Variants in SLC71A2 observed in about 807,000 individuals in gnomAD.
SLC71A2 encodes the protein hippocampus abundant transcript-like 1.
the SLC71A2 span, among the ~76,000 whole-genome samples, chr9:94,419,597 A>T: frequency 6.6e-6 from 1 of 151,612 alleles, no homozygotes. Context: ...GAGCCACTGC[A>T]CCCGGCCTTT....
At chr9:94,459,221 C>T in the SLC71A2 span, 1 of 1,613,880 alleles carries the variant, frequency 6.2e-7, no homozygotes. Flanking sequence ...TATGTCTTTT[C>T]TGGTTGCCTT....
chr9:94,429,277 G>C, the SLC71A2 span: 2 of 1,570,014 alleles, frequency 1.3e-6, no homozygotes, highest in South Asian at 2.4e-5. Context: ...TATGTGGTTT[G>C]TAATGAACCA....
the SLC71A2 span, among the ~76,000 whole-genome samples, chr9:94,406,529 G>C: frequency 5.3e-5 from 8 of 152,130 alleles, no homozygotes; most frequent in Non-Finnish European, 1.5e-5. Context: ...GTGAGCCACT[G>C]TGCCCAGCCG....
the SLC71A2 span, among the ~76,000 whole-genome samples, chr9:94,385,584 A>G: frequency 3.9e-5 from 6 of 152,186 alleles, no homozygotes; most frequent in South Asian, 8.3e-4. Flanking sequence ...ACTCTTTCAC[A>G]TGCCAAAAAT....
At chr9:94,386,887 G>T in the SLC71A2 span, among the ~76,000 whole-genome samples, 6 of 152,014 alleles carry the variant, frequency 3.9e-5, no homozygotes, top group African/African-American at 1.4e-4. Context: ...GATTGATTTT[G>T]TGGCTCTTTC....
At chr9:94,382,323 A>G in the SLC71A2 span, among the ~76,000 whole-genome samples, 1 of 151,372 alleles carries the variant, frequency 6.6e-6, no homozygotes, top group Non-Finnish European at 1.5e-5. Context: ...CATGTGCCCA[A>G]CTTCCCTAAA....
chr9:94,399,064 C>T, the SLC71A2 span, among the ~76,000 whole-genome samples: 1 of 152,016 alleles, frequency 6.6e-6, no homozygotes, highest in East Asian at 1.9e-4. Context: ...GATCCGCCCA[C>T]CTTGGCCTCC....
the SLC71A2 span, chr9:94,451,678 A>G: frequency 4.3e-6 from 2 of 461,270 alleles, no homozygotes; most frequent in Non-Finnish European, 7.7e-6. Flanking sequence ...CTTGCAAGCT[A>G]TAGTATAATA....
the SLC71A2 span, among the ~76,000 whole-genome samples, chr9:94,418,801 C>T: frequency 1.5e-5 from 2 of 130,038 alleles, no homozygotes; most frequent in African/African-American, 2.9e-5. Context: ...ACTATGTTGT[C>T]TAGGCTGGTC....
the SLC71A2 span, among the ~76,000 whole-genome samples, chr9:94,454,709 CAAG>C: frequency 1.3e-5 from 2 of 152,032 alleles, no homozygotes; most frequent in African/African-American, 4.8e-5. Context: ...AAAAGCAAAA[CAAG>C]AAGATACAAA....
the SLC71A2 span, among the ~76,000 whole-genome samples, chr9:94,384,312 A>ATG: frequency 6.7e-6 from 1 of 148,272 alleles, no homozygotes; most frequent in Non-Finnish European, 1.5e-5. Context: ...AGGTTTGTCC[A>ATG]TGTGTGCCGT....
chr9:94,412,115 T>C, the SLC71A2 span, among the ~76,000 whole-genome samples: 3 of 152,244 alleles, frequency 2.0e-5, no homozygotes, highest in Admixed American at 6.5e-5. Flanking sequence ...TTTGAACTTT[T>C]AATGTCTGAT....
chr9:94,400,257 G>C, the SLC71A2 span, among the ~76,000 whole-genome samples: 2 of 152,154 alleles, frequency 1.3e-5, no homozygotes, highest in African/African-American at 4.8e-5. Flanking sequence ...ACAGCAATTA[G>C]GAAAAGGATA....
At chr9:94,459,430 A>ATTC in the SLC71A2 span, 1 of 1,612,534 alleles carries the variant, frequency 6.2e-7, no homozygotes. Context: ...AGAAAGTGGG[A>ATTC]TTCTGCATAC....
chr9:94,402,058 G>A, the SLC71A2 span, among the ~76,000 whole-genome samples: 1 of 152,156 alleles, frequency 6.6e-6, no homozygotes, highest in Admixed American at 6.5e-5. Context: ...TCTCATTTCT[G>A]TCTTGTTTTT....
the SLC71A2 span, among the ~76,000 whole-genome samples, chr9:94,450,705 G>A: frequency 6.6e-6 from 1 of 151,920 alleles, no homozygotes; most frequent in East Asian, 1.9e-4. Flanking sequence ...TGGTCAGGCT[G>A]GTCTCGAACT....
At chr9:94,435,411 T>A in the SLC71A2 span, among the ~76,000 whole-genome samples, 1 of 152,192 alleles carries the variant, frequency 6.6e-6, no homozygotes, top group Non-Finnish European at 1.5e-5. Flanking sequence ...ACATATCTCA[T>A]CCATTCTCAA....
the SLC71A2 span, among the ~76,000 whole-genome samples, chr9:94,379,386 CT>C: frequency 0.16 from 20,714 of 127,590 alleles, 2,149 homozygotes; most frequent in Non-Finnish European, 0.23. Flanking sequence ...GCGCCTGGCC[CT>C]TTTTTTTTTT....
chr9:94,387,979 A>T, the SLC71A2 span, among the ~76,000 whole-genome samples: 1 of 152,228 alleles, frequency 6.6e-6, no homozygotes, highest in Non-Finnish European at 1.5e-5. Context: ...CAAAAGTATG[A>T]ATTTTATATA....
Sources: allele counts gnomAD v4.1 joint callset (sites outside exome capture counted in the v4.1 genomes callset), GRCh38; gene constraint gnomAD v4.1.1; transcripts MANE v1.5; gene names NCBI Gene and HGNC (gene_info 2026-07-23, HGNC 2026-07-21).